The following TXNRD3 variants were observed in gnomAD, a reference collection of about 807,000 sequenced individuals.
The protein encoded by TXNRD3 is thioredoxin reductase 3.
In TXNRD3, 68 loss-of-function variants were observed where a neutral mutation model predicts 78.2. The ratio of observed to expected loss-of-function variants is 0.87; its 90% confidence interval spans 0.72 to 1.06. TXNRD3 has a LOEUF of 1.06. TXNRD3 is among the 50% of genes least tolerant of loss of function. The pLI is 0.00. For missense variants in TXNRD3, 751 were observed against 809.5 expected (o/e 0.93, Z 0.88); for synonymous variants, 296 against 300.1 (o/e 0.99, Z 0.14).
intron 10 of TXNRD3, among the ~76,000 whole-genome samples, chr3:126,628,401 C>T (rs576599553): frequency 6.6e-6 from 1 of 151,980 alleles, no homozygotes; most frequent in South Asian, 2.1e-4. Context: ...TGTTATTATT[C>T]ACAAATAAAT....
intron 6 of TXNRD3, among the ~76,000 whole-genome samples, chr3:126,640,287 TTA>T (rs1933040344): frequency 2.2e-5 from 1 of 45,128 alleles, no homozygotes; most frequent in African/African-American, 4.7e-5. Flanking sequence ...TGTATTTTTT[TTA>T]GTAGAGACGG....
intron 6 of TXNRD3, among the ~76,000 whole-genome samples, chr3:126,639,157 T>C (rs1176522847): frequency 6.6e-6 from 1 of 152,120 alleles, no homozygotes; most frequent in Admixed American, 6.5e-5. Context: ...GATATTTATT[T>C]TAAAAAGAGA....
intron 9 of TXNRD3, 104 bp from the exon 10 acceptor site, chr3:126,629,575 G>A (rs1938663609): frequency 2.4e-6 from 2 of 841,608 alleles, no homozygotes; most frequent in Admixed American, 5.5e-5. Context: ...GTGTTTGGTG[G>A]TGGTACATAT....
At chr3:126,645,187 C>A (rs899663119) in intron 3 of TXNRD3, among the ~76,000 whole-genome samples, 3 of 152,310 alleles carry the variant, frequency 2.0e-5, no homozygotes, top group Admixed American at 6.5e-5. Flanking sequence ...GTTTTAGGGA[C>A]ATTCTAAAAA....
intron 12 of TXNRD3, among the ~76,000 whole-genome samples, chr3:126,615,724 C>T (rs553281225): frequency 8.5e-5 from 13 of 152,158 alleles, no homozygotes; most frequent in African/African-American, 2.9e-4. Flanking sequence ...GGTCTAAGAA[C>T]CAGAAGTAAG....
rs531171753 is a variant in TXNRD3 at position 126,615,899 on chromosome 3, T to C, written c.1525-437A>G. Among the ~76,000 whole-genome samples, 4 of 152,320 alleles carry C rather than the reference T, an allele frequency of 2.6e-5. No homozygotes were observed. The South Asian group carries it at 8.3e-4, about 32-fold the overall frequency. On this transcript the variant is annotated intron_variant, in intron 12 of 15. Coordinates refer to ENST00000524230, the MANE Select transcript of TXNRD3 (RefSeq NM_052883.3). Reference sequence around the variant, plus strand: ...CCACCTCTTGGCCATTTCATATTCCTTATGCCACTGAGAGGTGAGGCAAAT... The same window carrying C: ...CCACCTCTTGGCCATTTCATATTCCCTATGCCACTGAGAGGTGAGGCAAAT...
intron 12 of TXNRD3, among the ~76,000 whole-genome samples, chr3:126,616,584 C>T (rs996983518): frequency 4.6e-5 from 7 of 152,150 alleles, no homozygotes; most frequent in African/African-American, 1.7e-4. Flanking sequence ...GTACAAACCC[C>T]CCACTGTGCT....
Position 126,647,284 on chromosome 3 carries a change from A to G in TXNRD3, c.256T>C (p.Phe86Leu). The change falls in exon 2 of 16, where the codon TTT becomes CTT. Residue 86 changes from phenylalanine to leucine, a missense_variant. Transcript: ENST00000524230. ...TTACATTCGACTCCCAAAGAAGAAA[A>G]GAGTTCTTTCACCTGTAAAAAAAAT... The G allele has an allele frequency of 6.5e-7, 1 of 1,535,640 alleles. No individual in the cohort carries two copies. The highest frequency in any genetic ancestry group is 8.7e-7 in the Non-Finnish European group (1 of 1,146,724).
rs74607648 is a variant in TXNRD3, at chr3:126,650,324, A to G, written c.244-3028T>C. On this transcript the variant is annotated intron_variant, in intron 1 of 15. Coordinates refer to ENST00000524230, the MANE Select transcript of TXNRD3 (RefSeq NM_052883.3). ...ATGACTTTTCTTTGCCACATCATTA[A>G]GTCCACACTTATTAGCAAGCATTTT... Among the ~76,000 whole-genome samples the G allele has an allele frequency of 1.2e-3, 190 of 152,346 alleles. 1 individual carries two copies. Among genetic ancestry groups the G allele is most frequent in the African/African-American group, 4.4e-3 (184 of 41,574 alleles).
Position 126,654,970 on chromosome 3 carries a change from C to T in TXNRD3, c.21G>A (p.Gln7=). The T allele has an allele frequency of 7.7e-7, 1 of 1,300,980 alleles. No individual in the cohort carries two copies. The highest frequency in any genetic ancestry group is 2.4e-5 in the South Asian group (1 of 42,428). The allele number at this position is 1,300,980 out of a possible 1,614,324, so 80.6% of individuals were successfully genotyped here. A position where few individuals can be genotyped will look rare whatever the true frequency, so the allele number is the denominator to read the frequency against. The change falls in exon 1 of 16, where the codon CAG becomes CAA. Residue 7 remains glutamine, a synonymous_variant. Coordinates refer to ENST00000524230, the MANE Select transcript of TXNRD3 (RefSeq NM_052883.3). ...CGCCCGCCTTTCCCGGCCCGGGCGACTGCGGCGGCGACCGCTCCAGAGTCT... is the reference window on the plus strand; with the variant it reads ...CGCCCGCCTTTCCCGGCCCGGGCGATTGCGGCGGCGACCGCTCCAGAGTCT...
chr3:126,640,693 C>G (rs1001999564), intron 6 of TXNRD3, among the ~76,000 whole-genome samples: 1 of 152,148 alleles, frequency 6.6e-6, no homozygotes. Context: ...ATCCAACTGG[C>G]CACCATATCT....
intron 7 of TXNRD3, among the ~76,000 whole-genome samples, chr3:126,632,425 G>A (rs891420132): frequency 1.3e-4 from 19 of 151,964 alleles, no homozygotes; most frequent in African/African-American, 3.1e-4. Context: ...TTGGGAGGCC[G>A]AGGAAGGCAG....
At chr3:126,622,752 T>C (rs1938488028) in intron 10 of TXNRD3, among the ~76,000 whole-genome samples, 1 of 152,228 alleles carries the variant, frequency 6.6e-6, no homozygotes, top group African/African-American at 2.4e-5. Context: ...GGCTAAATTA[T>C]GTCCCTTCAA....
intron 10 of TXNRD3, chr3:126,626,200 C>G (rs1938575936): frequency 6.6e-6 from 1 of 152,192 alleles, no homozygotes; most frequent in Non-Finnish European, 1.5e-5. Flanking sequence ...TATAAAGCTT[C>G]AGGAAGCAAA....
At chr3:126,627,946 C>T (rs193297214) in intron 10 of TXNRD3, among the ~76,000 whole-genome samples, 3 of 152,176 alleles carry the variant, frequency 2.0e-5, no homozygotes, top group Admixed American at 1.3e-4. Flanking sequence ...CAATATGATT[C>T]ATAAATATAA....
chr3:126,619,235 G>A (rs987288160), intron 12 of TXNRD3, among the ~76,000 whole-genome samples: 1 of 152,042 alleles, frequency 6.6e-6, no homozygotes, highest in Admixed American at 6.5e-5. Context: ...GAAAGAATCA[G>A]TGTATCAAAA....
At chr3:126,615,139 T>A (rs1217764976) in intron 13 of TXNRD3, among the ~76,000 whole-genome samples, 1 of 152,184 alleles carries the variant, frequency 6.6e-6, no homozygotes, top group Non-Finnish European at 1.5e-5. Flanking sequence ...GTGTCCTGAC[T>A]TATAGATTAC....
At chr3:126,618,847 TCAAA>T (rs1311033858) in intron 12 of TXNRD3, among the ~76,000 whole-genome samples, 2 of 96,278 alleles carry the variant, frequency 2.1e-5, no homozygotes, top group African/African-American at 8.4e-5. Context: ...CACAAGGAAC[TCAAA>T]CAACTCAGAG....
At chr3:126,628,331 C>G (rs1234187414) in intron 10 of TXNRD3, among the ~76,000 whole-genome samples, 1 of 151,818 alleles carries the variant, frequency 6.6e-6, no homozygotes, top group Non-Finnish European at 1.5e-5. Context: ...TACTGGAGGT[C>G]CTAACTAATG....
Sources: gnomAD v4.1 joint callset for allele counts (sites outside exome capture counted in the v4.1 genomes callset) on GRCh38, gnomAD v4.1.1 for gene constraint, MANE v1.5 for transcripts, NCBI Gene and HGNC (gene_info 2026-07-23, HGNC 2026-07-21) for gene names.